The following RFX3 variants were observed in gnomAD, a reference collection of about 807,000 sequenced individuals.
RFX3 encodes transcription factor RFX3.
A neutral mutation model predicts 98.6 loss-of-function variants in RFX3; 14 were observed. The observed-to-expected ratio is 0.14, with a 90% CI of 0.09 to 0.22. The LOEUF is 0.22. Among genes scored for constraint, RFX3 ranks in the 10% least tolerant of loss-of-function variants. The probability of loss-of-function intolerance (pLI) is 1.00; values close to 1 mark genes in which losing one functional copy is unlikely to be tolerated. For synonymous variants in RFX3, 383 were observed against 328.4 expected, an observed-to-expected ratio of 1.17 and a Z score of -1.80; for missense variants, 639 against 926.9, an observed-to-expected ratio of 0.69 and a Z score of 4.03.
rs12379276 is a variant in RFX3 at position 3,271,553 on chromosome 9, T to C, written c.1087-435A>G. Among the ~76,000 whole-genome samples, 30 of 142,282 alleles carry C rather than the reference T, an allele frequency of 2.1e-4. No individual in the cohort carries two copies. The South Asian group carries it at 6.9e-3, about 33-fold the overall frequency. The allele number at this position is 142,282 out of a possible 152,430, so 93.3% of individuals were successfully genotyped here. ...TCTTTCTCTCTTTCTCTTTCTCTCT[T>C]TCTCTCTCTCTTTCTTTCTTTCTTT... is the stretch of plus-strand genomic sequence containing the variant. On this transcript the variant is annotated intron_variant, in intron 9 of 16. Transcript: ENST00000617270.
chr9:3,350,078 A>G (rs1834926663), intron 2 of RFX3, among the ~76,000 whole-genome samples: 3 of 152,134 alleles, frequency 2.0e-5, no homozygotes, highest in Admixed American at 6.6e-5. Context: ...CTTTTTAGAC[A>G]TAACACCAAA....
intron 1 of RFX3, among the ~76,000 whole-genome samples, chr9:3,451,536 T>C (rs181403152): frequency 1.3e-5 from 2 of 152,152 alleles, no homozygotes; most frequent in Admixed American, 1.3e-4. Flanking sequence ...AGAGAGAGTC[T>C]CAAAAAGATA....
intron 2 of RFX3, among the ~76,000 whole-genome samples, chr9:3,380,335 C>G (rs1839046794): frequency 6.6e-6 from 1 of 152,224 alleles, no homozygotes; most frequent in African/African-American, 2.4e-5. Flanking sequence ...CTCCCACCAA[C>G]TGACTCACCT....
chr9:3,411,814 T>G (rs1196037235), intron 1 of RFX3, among the ~76,000 whole-genome samples: 2 of 151,918 alleles, frequency 1.3e-5, no homozygotes, highest in Non-Finnish European at 2.9e-5. Context: ...CTACCTTTCC[T>G]CCACCTCCAA....
chr9:3,457,156 A>G (rs1421975544), intron 1 of RFX3, among the ~76,000 whole-genome samples: 4 of 150,122 alleles, frequency 2.7e-5, no homozygotes, highest in African/African-American at 7.3e-5. Flanking sequence ...AAAAAAAAAA[A>G]AAAAAAAAAA....
At chr9:3,392,633 T>C (rs1840432300) in intron 2 of RFX3, among the ~76,000 whole-genome samples, 1 of 152,064 alleles carries the variant, frequency 6.6e-6, no homozygotes, top group Non-Finnish European at 1.5e-5. Context: ...CCCATGAAGT[T>C]TCTAGTACAG....
intron 1 of RFX3, chr9:3,524,633 T>C: frequency 1.0e-6 from 1 of 984,152 alleles, no homozygotes; most frequent in Non-Finnish European, 1.2e-6. Flanking sequence ...AGCTTCCTTG[T>C]GTCCCTTCCC....
chr9:3,501,798 C>T (rs1816042919), intron 1 of RFX3, among the ~76,000 whole-genome samples: 1 of 151,578 alleles, frequency 6.6e-6, no homozygotes, highest in African/African-American at 2.4e-5. Flanking sequence ...TTCAAGTGAT[C>T]CACCCATCTC....
intron 6 of RFX3, among the ~76,000 whole-genome samples, chr9:3,290,439 G>C (rs1277141278): frequency 6.6e-6 from 1 of 152,054 alleles, no homozygotes; most frequent in African/African-American, 2.4e-5. Flanking sequence ...AGTAACAAAA[G>C]AAGGACAACA....
intron 1 of RFX3, among the ~76,000 whole-genome samples, chr9:3,451,110 CAAT>C (rs1846582109): frequency 1.3e-5 from 2 of 152,092 alleles, no homozygotes; most frequent in Non-Finnish European, 2.9e-5. Context: ...AAATAAAACA[CAAT>C]GATGAAAGTG....
At position 3,345,281 on chromosome 9, in the gene RFX3, G is replaced by A. The variant is rs1202927296; in HGVS notation, c.215+1386C>T. ...AGAATGCTATTTCAGCAGAGAAAACGGCATGTCCAAAAACATAGAAGTATG... is the reference window on the plus strand; with the variant it reads ...AGAATGCTATTTCAGCAGAGAAAACAGCATGTCCAAAAACATAGAAGTATG... On this transcript the variant is annotated intron_variant, in intron 3 of 16. Transcript: ENST00000617270. 5.9e-5 allele frequency among the ~76,000 whole-genome samples: 9 copies of A among 152,168 alleles called. No individual in the cohort carries two copies. The East Asian group carries it at 7.7e-4, about 13-fold the overall frequency.
chr9:3,416,854 T>A (rs1843026506), intron 1 of RFX3, among the ~76,000 whole-genome samples: 1 of 151,628 alleles, frequency 6.6e-6, no homozygotes, highest in Admixed American at 6.6e-5. Flanking sequence ...AAACAAAAAA[T>A]AAATGGCAAC....
chr9:3,504,247 ATT>A lies in RFX3; in HGVS notation c.-9+21498_-9+21499del, dbSNP rs1376928346. 6.8e-5 allele frequency among the ~76,000 whole-genome samples: 9 copies of A among 131,580 alleles called. 1 individual carries two copies. The South Asian group carries it at 1.3e-3, about 19-fold the overall frequency. 86.3% of individuals were successfully genotyped at this position (131,580 alleles called of 152,430 possible). On this transcript the variant is annotated intron_variant, in intron 1 of 16. Transcript: ENST00000617270. ...ATTATATACTATATATTATATATATATTTTATATATAATATATACTATATTGT... is the reference window on the plus strand; with the variant it reads ...ATTATATACTATATATTATATATATATTATATATAATATATACTATATTGT...
At chr9:3,314,531 T>A (rs1830352428) in intron 4 of RFX3, among the ~76,000 whole-genome samples, 1 of 152,092 alleles carries the variant, frequency 6.6e-6, no homozygotes, top group African/African-American at 2.4e-5. Flanking sequence ...TATATTAACC[T>A]TAAATGTAAA....
intron 12 of RFX3, 82 bp downstream of exon 12, chr9:3,266,126 C>T (rs143698881): frequency 1.4e-6 from 1 of 731,492 alleles, no homozygotes; most frequent in African/African-American, 1.8e-5. Flanking sequence ...TTACATAATA[C>T]CATTTGATAG....
In RFX3 at chr9:3,277,273, C is replaced by A; in HGVS notation, c.973+67G>T. The A allele has an allele frequency of 3.3e-6, 5 of 1,532,668 alleles. No individual in the cohort carries two copies. The South Asian group carries it at 5.7e-5, about 17-fold the overall frequency. 94.9% of individuals were successfully genotyped at this position (1,532,668 alleles called of 1,614,324 possible). A position where few individuals can be genotyped will look rare whatever the true frequency, so the allele number is the denominator to read the frequency against. ...TCATTGACATCTATAATAGACATTG[C>A]ACTTGGAGAAAAGACTAACTTTTCA... On this transcript the variant is annotated intron_variant, in intron 8 of 16. Coordinates refer to ENST00000617270, the MANE Select transcript of RFX3 (RefSeq NM_001282116.2).
At chr9:3,509,025 C>A (rs1351516156) in intron 1 of RFX3, among the ~76,000 whole-genome samples, 3 of 151,522 alleles carry the variant, frequency 2.0e-5, no homozygotes, top group Non-Finnish European at 4.4e-5. Context: ...TAGACAAAAT[C>A]TTGGTAATTA....
chr9:3,382,252 T>C (rs1407215177), intron 2 of RFX3, among the ~76,000 whole-genome samples: 2 of 152,194 alleles, frequency 1.3e-5, no homozygotes, highest in African/African-American at 4.8e-5. Flanking sequence ...AAATAAAATA[T>C]AATCTTTTAA....
At chr9:3,346,230 A>C (rs535863468) in intron 3 of RFX3, among the ~76,000 whole-genome samples, 2 of 152,178 alleles carry the variant, frequency 1.3e-5, no homozygotes, top group African/African-American at 2.4e-5. Flanking sequence ...TTTATGTGGA[A>C]TATCTCATTC....
Sources: gnomAD v4.1 joint callset for allele counts (sites outside exome capture counted in the v4.1 genomes callset) on GRCh38, gnomAD v4.1.1 for gene constraint, MANE v1.5 for transcripts, NCBI Gene and HGNC (gene_info 2026-07-23, HGNC 2026-07-21) for gene names.